ST6GALNAC5: variants seen among roughly 807,000 people sequenced by gnomAD.
ST6GALNAC5 encodes alpha-N-acetylgalactosaminide alpha-2,6-sialyltransferase 5.
ST6GALNAC5 carries 27 observed loss-of-function variants against 33.6 expected under a neutral mutation model. The observed-to-expected ratio is 0.80, with a 90% confidence interval of 0.59 to 1.11. The LOEUF (loss-of-function observed/expected upper bound fraction) is 1.11, where lower values mean the gene tolerates loss of function less well. Among genes scored for constraint, ST6GALNAC5 ranks in the 50% least tolerant of loss-of-function variants. The pLI, the probability that ST6GALNAC5 is intolerant of heterozygous loss-of-function variation, is 0.00. For missense variants in ST6GALNAC5, 428 were observed against 454.0 expected (o/e 0.94, Z 0.52); for synonymous variants, 194 against 171.2 (o/e 1.13, Z -1.04).
At chr1:77,033,587 A>G (rs1002069222) in intron 2 of ST6GALNAC5, among the ~76,000 whole-genome samples, 25 of 145,362 alleles carry the variant, frequency 1.7e-4, no homozygotes, top group Middle Eastern at 3.4e-3. Flanking sequence ...TTGAACACTT[A>G]GTCGTGTTAT....
chr1:76,978,083 G>T (rs1649092119), intron 2 of ST6GALNAC5, among the ~76,000 whole-genome samples: 1 of 152,012 alleles, frequency 6.6e-6, no homozygotes, highest in Non-Finnish European at 1.5e-5. Context: ...TAGTGATATT[G>T]ACCATTTTTT....
chr1:77,047,474 G>A (rs537013625), intron 3 of ST6GALNAC5, among the ~76,000 whole-genome samples: 39 of 152,286 alleles, frequency 2.6e-4, no homozygotes, highest in African/African-American at 8.9e-4. Context: ...CCTTTTGGGT[G>A]AATATTTTGA....
intron 2 of ST6GALNAC5, among the ~76,000 whole-genome samples, chr1:76,969,448 C>A (rs2100362848): frequency 6.6e-6 from 1 of 152,300 alleles, no homozygotes; most frequent in African/African-American, 2.4e-5. Flanking sequence ...CTGAGATCAA[C>A]CTGCAAGGCA....
At chr1:76,990,903 T>C (rs1368104983) in intron 2 of ST6GALNAC5, among the ~76,000 whole-genome samples, 6 of 152,152 alleles carry the variant, frequency 3.9e-5, no homozygotes, top group Non-Finnish European at 8.8e-5. Context: ...TTTCTTGACC[T>C]GGAGGGGCTA....
At chr1:76,972,443 C>T (rs926000347) in intron 2 of ST6GALNAC5, among the ~76,000 whole-genome samples, 7 of 152,178 alleles carry the variant, frequency 4.6e-5, no homozygotes, top group Non-Finnish European at 1.0e-4. Context: ...GTGATACATA[C>T]TTTACACATG....
chr1:76,960,890 TACAA>T (rs1648206983), intron 2 of ST6GALNAC5, among the ~76,000 whole-genome samples: 1 of 152,172 alleles, frequency 6.6e-6, no homozygotes, highest in Non-Finnish European at 1.5e-5. Context: ...ACGCATGCTC[TACAA>T]ACAATTTGTG....
At chr1:76,966,259 G>T (rs1648473366) in intron 2 of ST6GALNAC5, among the ~76,000 whole-genome samples, 1 of 152,126 alleles carries the variant, frequency 6.6e-6, no homozygotes, top group Non-Finnish European at 1.5e-5. Flanking sequence ...CCATTTGTTT[G>T]TGTCCTCTTT....
chr1:77,048,523 A>G (rs1483148895), intron 3 of ST6GALNAC5, among the ~76,000 whole-genome samples: 1 of 152,136 alleles, frequency 6.6e-6, no homozygotes. Context: ...TTCAGTCTCA[A>G]AGGTCTTATG....
At chr1:77,021,933 C>T (rs1378608191) in intron 2 of ST6GALNAC5, among the ~76,000 whole-genome samples, 1 of 152,154 alleles carries the variant, frequency 6.6e-6, no homozygotes, top group African/African-American at 2.4e-5. Flanking sequence ...GTAATCACAC[C>T]TCCTAATAAG....
chr1:76,880,204 G>A (rs1436190650), intron 2 of ST6GALNAC5, among the ~76,000 whole-genome samples: 8 of 152,114 alleles, frequency 5.3e-5, no homozygotes, highest in South Asian at 2.1e-4. Context: ...TCTTAGGAGC[G>A]GTGAATCAGG....
chr1:77,057,740 T>C (rs778024800), intron 4 of ST6GALNAC5, among the ~76,000 whole-genome samples: 3 of 152,194 alleles, frequency 2.0e-5, no homozygotes, highest in Admixed American at 6.5e-5. Context: ...GAAAGTGATC[T>C]CCCTGCTTCT....
intron 2 of ST6GALNAC5, among the ~76,000 whole-genome samples, chr1:76,954,226 C>T (rs1647862016): frequency 6.6e-6 from 1 of 152,078 alleles, no homozygotes; most frequent in African/African-American, 2.4e-5. Flanking sequence ...ATGTCCTTTG[C>T]AGGGACATGG....
intron 2 of ST6GALNAC5, among the ~76,000 whole-genome samples, chr1:76,986,951 G>A (rs1266438970): frequency 6.6e-6 from 1 of 152,126 alleles, no homozygotes; most frequent in South Asian, 2.1e-4. Flanking sequence ...CTCACTCATA[G>A]GTGGGAATTG....
intron 2 of ST6GALNAC5, among the ~76,000 whole-genome samples, chr1:76,901,197 G>A (rs1646814416): frequency 6.6e-6 from 1 of 152,210 alleles, no homozygotes; most frequent in Non-Finnish European, 1.5e-5. Context: ...GTCCAAGGAT[G>A]TAAATAATTA....
At chr1:76,966,393 G>T (rs1470322790) in intron 2 of ST6GALNAC5, among the ~76,000 whole-genome samples, 1 of 151,946 alleles carries the variant, frequency 6.6e-6, no homozygotes, top group African/African-American at 2.4e-5. Flanking sequence ...TGATGATTTG[G>T]CTCTCTGTCT....
intron 2 of ST6GALNAC5, among the ~76,000 whole-genome samples, chr1:76,985,526 G>A (rs1378280588): frequency 6.6e-6 from 1 of 152,138 alleles, no homozygotes; most frequent in Non-Finnish European, 1.5e-5. Context: ...CAAACAAATG[G>A]AAGAATATTC....
At chr1:76,992,430 C>T (rs1649773168) in intron 2 of ST6GALNAC5, among the ~76,000 whole-genome samples, 1 of 152,152 alleles carries the variant, frequency 6.6e-6, no homozygotes, top group Non-Finnish European at 1.5e-5. Flanking sequence ...AATATTCCCT[C>T]TCTAATCCTT....
At chr1:76,967,223 G>A (rs991961291) in intron 2 of ST6GALNAC5, among the ~76,000 whole-genome samples, 3 of 152,128 alleles carry the variant, frequency 2.0e-5, no homozygotes, top group African/African-American at 7.2e-5. Flanking sequence ...AATCCGTGTG[G>A]TCCTGGACTT....
intron 2 of ST6GALNAC5, among the ~76,000 whole-genome samples, chr1:76,999,664 C>G (rs1650069140): frequency 6.7e-6 from 1 of 149,432 alleles, no homozygotes; most frequent in Admixed American, 6.7e-5. Context: ...CCACAGTCCC[C>G]AGAGTGTGAT....
Sources: gnomAD v4.1 joint callset for allele counts (sites outside exome capture counted in the v4.1 genomes callset) on GRCh38, gnomAD v4.1.1 for gene constraint, MANE v1.5 for transcripts, NCBI Gene and HGNC (gene_info 2026-07-23, HGNC 2026-07-21) for gene names.